RNF212B: variants seen among roughly 807,000 people sequenced by gnomAD.
RNF212B encodes the protein E3 ubiquitin-protein ligase RNF212B.
Under a neutral mutation model 55.5 loss-of-function variants are expected in RNF212B, and 52 were observed. That is an observed-to-expected ratio of 0.94 (90% CI 0.75 to 1.18). The LOEUF is 1.18. RNF212B is among the 50% of genes most tolerant of loss of function. RNF212B has a pLI of 0.00. For synonymous variants in RNF212B, 99 were observed against 121.4 expected, an observed-to-expected ratio of 0.82 and a Z score of 1.21; for missense variants, 289 against 350.4, an observed-to-expected ratio of 0.82 and a Z score of 1.40.
Position 23,220,455 on chromosome 14 carries a change from C to T in RNF212B, c.-1-19890C>T, listed in dbSNP as rs564445899. The stretch of plus-strand genomic sequence containing the variant: ...GCTGAGACACAAGAATTATTGGAAC[C>T]CAGGAGATGGAGGTTGCTGTGAGCC... On this transcript the variant is annotated intron_variant, in intron 2 of 15. Transcript: ENST00000399910. 1.2e-4 allele frequency among the ~76,000 whole-genome samples: 18 copies of T among 152,116 alleles called. 1 individual carries two copies. The East Asian group carries it at 2.7e-3, about 23-fold the overall frequency.
chr14:23,261,883 G>A (rs1885318686), intron 7 of RNF212B, among the ~76,000 whole-genome samples: 1 of 151,906 alleles, frequency 6.6e-6, no homozygotes, highest in Admixed American at 6.6e-5. Flanking sequence ...GAGAATGGCG[G>A]GAACCCAGGA....
intron 1 of RNF212B, among the ~76,000 whole-genome samples, chr14:23,239,413 A>G (rs1883391089): frequency 6.6e-6 from 1 of 152,124 alleles, no homozygotes; most frequent in South Asian, 2.1e-4. Flanking sequence ...GAAGGAAAGT[A>G]TACAAGCTGA....
chr14:23,252,763 C>G (rs1418041980), intron 4 of RNF212B, among the ~76,000 whole-genome samples: 1 of 152,148 alleles, frequency 6.6e-6, no homozygotes, highest in African/African-American at 2.4e-5. Context: ...CACTGTTCCA[C>G]TGGAATTCAG....
intron 2 of RNF212B, among the ~76,000 whole-genome samples, chr14:23,200,517 G>A (rs112262745): frequency 0.011 from 1,654 of 152,096 alleles, 22 homozygotes; most frequent in African/African-American, 0.037. Flanking sequence ...GCAGAGATGG[G>A]GTTTCACCAT....
At chr14:23,203,225 GA>G in intron 2 of RNF212B, among the ~76,000 whole-genome samples, 1 of 151,862 alleles carries the variant, frequency 6.6e-6, no homozygotes. Context: ...AGATCAGTGA[GA>G]ACATATGATG....
chr14:23,248,103 C>G (rs547249224), intron 4 of RNF212B, among the ~76,000 whole-genome samples: 1 of 152,046 alleles, frequency 6.6e-6, no homozygotes, highest in Non-Finnish European at 1.5e-5. Flanking sequence ...CAGGCTCCTT[C>G]AAGCCTCTTT....
intron 2 of RNF212B, among the ~76,000 whole-genome samples, chr14:23,212,593 T>G (rs973438180): frequency 1.3e-5 from 2 of 152,002 alleles, no homozygotes; most frequent in African/African-American, 4.8e-5. Flanking sequence ...TATTTATTTT[T>G]GAGACAGAGT....
intron 2 of RNF212B, among the ~76,000 whole-genome samples, chr14:23,195,723 G>A (rs1418925598): frequency 6.6e-6 from 1 of 152,150 alleles, no homozygotes; most frequent in Non-Finnish European, 1.5e-5. Context: ...GATGGCACCT[G>A]GACGGTGGAA....
chr14:23,226,744 T>G (rs1293622396), intron 2 of RNF212B, among the ~76,000 whole-genome samples: 1 of 135,290 alleles, frequency 7.4e-6, no homozygotes, highest in Non-Finnish European at 1.7e-5. Flanking sequence ...GCTAGTCCCC[T>G]CCCCTCCCCT....
At chr14:23,263,896 T>A (rs1885488796) in intron 9 of RNF212B, among the ~76,000 whole-genome samples, 2 of 152,194 alleles carry the variant, frequency 1.3e-5, no homozygotes, top group Admixed American at 6.5e-5. Context: ...GAGACCAGTG[T>A]GGCCAACATG....
At chr14:23,235,035 A>G (rs1450545740), upstream of RNF212B, among the ~76,000 whole-genome samples, 5 of 152,220 alleles carry the variant, frequency 3.3e-5, no homozygotes, top group East Asian at 9.6e-4. Context: ...AACATGGTGA[A>G]ACCCCATCTC....
chr14:23,235,571 C>A (rs952969116), upstream of RNF212B, among the ~76,000 whole-genome samples: 27 of 152,200 alleles, frequency 1.8e-4, no homozygotes, highest in African/African-American at 6.3e-4. Flanking sequence ...TGATAAAATT[C>A]AAGCTTTCAG....
intron 2 of RNF212B, among the ~76,000 whole-genome samples, chr14:23,226,369 G>T (rs536437490): frequency 6.6e-6 from 1 of 151,480 alleles, no homozygotes; most frequent in Non-Finnish European, 1.5e-5. Flanking sequence ...GGTGGCTCAC[G>T]CCTGTAATCC....
intron 1 of RNF212B, among the ~76,000 whole-genome samples, chr14:23,189,735 A>C (rs1156930815): frequency 2.0e-5 from 3 of 152,132 alleles, no homozygotes; most frequent in Non-Finnish European, 4.4e-5. Context: ...CTTGAGCCAC[A>C]GGGTTGGGGC....
At chr14:23,265,028 C>T (rs1449476197) in intron 11 of RNF212B, among the ~76,000 whole-genome samples, 1 of 152,092 alleles carries the variant, frequency 6.6e-6, no homozygotes, top group Admixed American at 6.6e-5. Context: ...ATCGTGTTGC[C>T]CAGGCTGATC....
At chr14:23,234,308 G>A (rs1455761735), upstream of RNF212B, among the ~76,000 whole-genome samples, 1 of 151,174 alleles carries the variant, frequency 6.6e-6, no homozygotes, top group Non-Finnish European at 1.5e-5. Context: ...GTGTGTGTGT[G>A]TGTGTGTACA....
At chr14:23,264,771 T>A in intron 11 of RNF212B, 100 bp downstream of exon 11, 1 of 572,274 alleles carries the variant, frequency 1.7e-6, no homozygotes, top group Non-Finnish European at 2.4e-6. Context: ...TTTCACTTGT[T>A]TTTTTTTCCT....
intron 2 of RNF212B, among the ~76,000 whole-genome samples, chr14:23,231,558 G>T (rs1882611081): frequency 6.6e-6 from 1 of 151,972 alleles, no homozygotes; most frequent in Non-Finnish European, 1.5e-5. Flanking sequence ...ATTTCCAGAG[G>T]TACCCCATTT....
intron 2 of RNF212B, among the ~76,000 whole-genome samples, chr14:23,194,800 A>T (rs1265515558): frequency 6.6e-6 from 1 of 151,880 alleles, no homozygotes; most frequent in East Asian, 1.9e-4. Flanking sequence ...TAGTAAACAG[A>T]TAAAATATTT....
Sources: allele counts gnomAD v4.1 joint callset (sites outside exome capture counted in the v4.1 genomes callset), GRCh38; gene constraint gnomAD v4.1.1; transcripts MANE v1.5; gene names NCBI Gene and HGNC (gene_info 2026-07-23, HGNC 2026-07-21).